The following RIPOR1 variants were observed in gnomAD, a reference collection of about 807,000 sequenced individuals.
The protein encoded by RIPOR1 is rho family-interacting cell polarization regulator 1.
In RIPOR1, 58 loss-of-function variants were observed where a neutral mutation model predicts 116.5. The ratio of observed to expected loss-of-function variants is 0.50; its 90% CI spans 0.40 to 0.62. RIPOR1 has a LOEUF of 0.62. RIPOR1 is among the 20% of genes least tolerant of loss of function. RIPOR1 has a pLI of 0.00. For missense variants in RIPOR1, 1,372 were observed against 1,586.2 expected, an observed-to-expected ratio of 0.86 and a Z score of 2.29; for synonymous variants, 605 against 650.0, an observed-to-expected ratio of 0.93 and a Z score of 1.05.
intron 1 of RIPOR1, among the ~76,000 whole-genome samples, chr16:67,532,198 C>T (rs949095001): frequency 6.6e-6 from 1 of 152,086 alleles, no homozygotes; most frequent in African/African-American, 2.4e-5. Context: ...CGCACCCGGC[C>T]GTGTGACTGT....
In RIPOR1 at chr16:67,538,654, G is replaced by A. The variant is rs550384936; in HGVS notation, c.105-18G>A. 1 of 1,611,852 alleles carries A rather than the reference G, an allele frequency of 6.2e-7. No homozygotes were observed. Among genetic ancestry groups the A allele is most frequent in the South Asian group, 1.1e-5 (1 of 90,970 alleles). The stretch of plus-strand genomic sequence containing the variant: ...GGGACTCCTGCTCTCCTCTTTCTGA[G>A]GACAGCCTCTCCTTCAGGAGTTTCC... On this transcript the variant is annotated intron_variant, in intron 2 of 21. Transcript: ENST00000042381.
In RIPOR1 at chr16:67,544,614, C is replaced by T. The variant is rs2051104949; in HGVS notation, c.2734-81C>T. ...TCTGCAACCCCAACCTCCCCCAGTG[C>T]ATGCTGGGACTTGTCCCTGAGCACG... On this transcript the variant is annotated intron_variant, in intron 15 of 21. Transcript: ENST00000042381. This position sits in a 1 kb window ranked among gnomAD's most constrained non-coding sequence, Gnocchi z 5.1. 6 of 1,586,396 alleles carry T rather than the reference C, an allele frequency of 3.8e-6. No individual in the cohort carries two copies. Among genetic ancestry groups the T allele is most frequent in the Non-Finnish European group, 5.1e-6 (6 of 1,166,518 alleles).
At chr16:67,524,049 C>T (rs1178891421), upstream of RIPOR1, among the ~76,000 whole-genome samples, 1 of 152,114 alleles carries the variant, frequency 6.6e-6, no homozygotes, top group Non-Finnish European at 1.5e-5. Flanking sequence ...CATCACTGCC[C>T]ATCTCAGAGG....
intron 1 of RIPOR1, among the ~76,000 whole-genome samples, chr16:67,520,748 C>T (rs546729481): frequency 9.3e-5 from 14 of 151,244 alleles, no homozygotes; most frequent in African/African-American, 3.4e-4. Flanking sequence ...GGCAGTGAGC[C>T]GAGATAGTGC....
Position 67,545,433 on chromosome 16 carries a change from C to T in RIPOR1, c.3089C>T (p.Pro1030Leu), listed in dbSNP as rs2051132486. The T allele has an allele frequency of 6.2e-7, 1 of 1,613,932 alleles. No individual in the cohort carries two copies. The highest frequency in any genetic ancestry group is 1.7e-5 in the Admixed American group (1 of 60,014). Residue 1030 changes from proline to leucine, a missense_variant, in exon 18 of 22, where the codon CCA becomes CTA. Coordinates refer to ENST00000042381, the MANE Select transcript of RIPOR1 (RefSeq NM_024519.4). The surrounding 1 kb of genome is among the most constrained non-coding windows in gnomAD (Gnocchi z 4.8). ...LGQKLPRRPQ[P>L]GPGEQLTVFQ... ...CAGAAGCTGCCCAGAAGGCCCCAGC[C>T]AGGGCCTGGAGAGCAGCTCACAGTC... is the stretch of plus-strand genomic sequence containing the variant.
chr16:67,524,241 G>T (rs1430380005), upstream of RIPOR1, among the ~76,000 whole-genome samples: 1 of 152,232 alleles, frequency 6.6e-6, no homozygotes, highest in African/African-American at 2.4e-5. Context: ...GGACTTGAAT[G>T]TGGAGCAGCA....
chr16:67,529,176 G>A lies in RIPOR1; in HGVS notation c.-24+262G>A, dbSNP rs1008957994. 7.2e-5 allele frequency among the ~76,000 whole-genome samples: 11 copies of A among 152,346 alleles called. No individual in the cohort carries two copies. The highest frequency in any genetic ancestry group is 1.9e-4 in the East Asian group (1 of 5,182). On this transcript the variant is annotated intron_variant, in intron 1 of 21. Transcript: ENST00000042381. This position sits in a 1 kb window ranked among gnomAD's most constrained non-coding sequence, Gnocchi z 4.1. ...GCCTTCCTCCCACGGCAAGGCCCTG[G>A]CGGCCGGTGCCCCGGGGCGCTGGGA...
At position 67,545,197 on chromosome 16, in the gene RIPOR1, C is replaced by A; in HGVS notation, c.3031+80C>A. On this transcript the variant is annotated intron_variant, in intron 17 of 21. Transcript: ENST00000042381. The surrounding 1 kb of genome is among the most constrained non-coding windows in gnomAD (Gnocchi z 4.8). ...CTCGGGGAAGCCAGGTCAGCCCACACAGATAAACGAACTGGGCACCGAGGA... is the reference window on the plus strand; with the variant it reads ...CTCGGGGAAGCCAGGTCAGCCCACAAAGATAAACGAACTGGGCACCGAGGA... The A allele has an allele frequency of 6.4e-7, 1 of 1,571,840 alleles. No homozygotes were observed. The highest frequency in any genetic ancestry group is 8.7e-7 in the Non-Finnish European group (1 of 1,155,444).
At position 67,546,400 on chromosome 16, in the gene RIPOR1, G is replaced by A; in HGVS notation, c.3597G>A (p.Glu1199=). The A allele has an allele frequency of 1.9e-6, 3 of 1,614,108 alleles. No individual in the cohort carries two copies. Among genetic ancestry groups the A allele is most frequent in the Non-Finnish European group, 2.5e-6 (3 of 1,180,038 alleles). ...GACAGTCTGCCCATCGACGGCTGGAGGAGTCCCTGGACGCCCTGCCCCGCA... is the reference window on the plus strand; with the variant it reads ...GACAGTCTGCCCATCGACGGCTGGAAGAGTCCCTGGACGCCCTGCCCCGCA... ...EEGQSAHRRL[E]ESLDALPRIF... The change falls in exon 22 of 22, where the codon GAG becomes GAA. Residue 1199 remains glutamate, a synonymous_variant. Transcript: ENST00000042381.
At position 67,540,168 on chromosome 16, in the gene RIPOR1, T is replaced by G. The variant is rs770665491; in HGVS notation, c.530T>G (p.Leu177Arg). ...GGAAGCCGAGAGGCCCGGGACAGCC[T>G]GGCAGAGGCCACTCGGGGGCATCGC... ...SPGSREARDS[L>R]AEATRGHREY... Residue 177 changes from leucine (L) to arginine (R), a missense_variant, in exon 7 of 22, where the codon CTG becomes CGG. By Grantham distance (102) the Leu-to-Arg change is moderately radical. Around this residue, in one of 3 missense-constraint regions of RIPOR1, gnomAD observed 202 missense variants for 295.9 expected, o/e 0.68. Transcript: ENST00000042381. The surrounding 1 kb of genome is among the most constrained non-coding windows in gnomAD (Gnocchi z 4.7). 4 of 1,614,160 alleles carry G rather than the reference T, an allele frequency of 2.5e-6. No individual in the cohort carries two copies. The Admixed American group carries it at 5.0e-5, about 20-fold the overall frequency.
Position 67,540,161 on chromosome 16 carries a change from G to A in RIPOR1, c.523G>A (p.Asp175Asn). 1 of 1,614,194 alleles carries A rather than the reference G, an allele frequency of 6.2e-7. No homozygotes were observed. Among genetic ancestry groups the A allele is most frequent in the Non-Finnish European group, 8.5e-7 (1 of 1,180,020 alleles). Residue 175 changes from aspartate to asparagine, a missense_variant, in exon 7 of 22, where the codon GAC becomes AAC. Physicochemically the swap from Asp to Asn is conservative, Grantham distance 23. Coordinates refer to ENST00000042381, the MANE Select transcript of RIPOR1 (RefSeq NM_024519.4). The surrounding 1 kb of genome is among the most constrained non-coding windows in gnomAD (Gnocchi z 4.7). ...TGSPGSREAR[D>N]SLAEATRGHR... Reference sequence around the variant, plus strand: ...GTCCCCGGGAAGCCGAGAGGCCCGGGACAGCCTGGCAGAGGCCACTCGGGG... The same window carrying A: ...GTCCCCGGGAAGCCGAGAGGCCCGGAACAGCCTGGCAGAGGCCACTCGGGG...
Position 67,546,503 on chromosome 16 carries a change from C to CT in RIPOR1, c.*43dup. 5 of 1,547,226 alleles carry CT rather than the reference C, an allele frequency of 3.2e-6. No individual in the cohort carries two copies. Among genetic ancestry groups the CT allele is most frequent in the Non-Finnish European group, 4.5e-6 (5 of 1,121,378 alleles). On this transcript the variant is annotated 3_prime_UTR_variant, in exon 22 of 22. Coordinates refer to ENST00000042381, the MANE Select transcript of RIPOR1 (RefSeq NM_024519.4). Reference sequence around the variant, plus strand: ...GGTTCCTGGTGCCCCTTTCCCCCCACTTTCAGGGCTCACCAGGCACTGGCA... The same window carrying CT: ...GGTTCCTGGTGCCCCTTTCCCCCCACTTTTCAGGGCTCACCAGGCACTGGCA...
In RIPOR1 at chr16:67,530,502, TGCCCAGGTTATTTTTA is replaced by T. The variant is rs1054885583; in HGVS notation, c.-24+1592_-24+1607del. Among the ~76,000 whole-genome samples, 2 of 152,184 alleles carry T rather than the reference TGCCCAGGTTATTTTTA, an allele frequency of 1.3e-5. No individual in the cohort carries two copies. Among genetic ancestry groups the T allele is most frequent in the Non-Finnish European group, 2.9e-5 (2 of 68,022 alleles). On this transcript the variant is annotated intron_variant, in intron 1 of 21. Transcript: ENST00000042381. The surrounding 1 kb of genome is among the most constrained non-coding windows in gnomAD (Gnocchi z 4.5). Reference sequence around the variant, plus strand: ...CCCCTTCTCCCTTGCAGCCGCCCCTTGCCCAGGTTATTTTTAGCCTCTGTTTACCTCGGTCGGGGCG... The same window carrying T: ...CCCCTTCTCCCTTGCAGCCGCCCCTTGCCTCTGTTTACCTCGGTCGGGGCG...
rs868814594 is a variant in RIPOR1 at position 67,539,656 on chromosome 16, C to T, written c.337-72C>T. The T allele has an allele frequency of 3.2e-5, 50 of 1,565,168 alleles. No individual in the cohort carries two copies. The Middle Eastern group carries it at 8.4e-4, about 26-fold the overall frequency. Reference sequence around the variant, plus strand: ...GTGGTGTGAGAAAGGGGAGCTGTGACGAGTCTGAGTGCCTCTGCTGGAGTC... The same window carrying T: ...GTGGTGTGAGAAAGGGGAGCTGTGATGAGTCTGAGTGCCTCTGCTGGAGTC... On this transcript the variant is annotated intron_variant, in intron 4 of 21. Coordinates refer to ENST00000042381, the MANE Select transcript of RIPOR1 (RefSeq NM_024519.4).
rs758956656 is a variant in RIPOR1, at chr16:67,542,864, ACT to A, written c.2080_2081del (p.Ser694ArgfsTer8). 1 of 1,611,650 alleles carries A rather than the reference ACT, an allele frequency of 6.2e-7. No homozygotes were observed. The highest frequency in any genetic ancestry group is 1.1e-5 in the South Asian group (1 of 90,936). On this transcript the variant is annotated frameshift_variant, in exon 13 of 22. Transcript: ENST00000042381. LOFTEE classifies it high-confidence loss of function. This position sits in a 1 kb window ranked among gnomAD's most constrained non-coding sequence, Gnocchi z 4.6. ...GCTACCCTCTCCAGCCCCTCCAAAC[ACT>A]CAGACCCCACCCTCCCAGGCACTGA...
Position 67,539,423 on chromosome 16 carries a change from A to T in RIPOR1, c.337-305A>T, listed in dbSNP as rs931747954. The stretch of plus-strand genomic sequence containing the variant: ...GAGGGAACACTTCTGCCGGGGCTTG[A>T]TGGGAGTTCCCCTGCAGAGGGAACC... On this transcript the variant is annotated intron_variant, in intron 4 of 21. Transcript: ENST00000042381. 3.0e-5 allele frequency: 16 copies of T among 534,992 alleles called. No individual in the cohort carries two copies. In the Admixed American group the frequency reaches 3.5e-4, roughly 12 times the overall value. The allele number at this position is 534,992 out of a possible 1,614,324, so 33.1% of individuals were successfully genotyped here. A position where few individuals can be genotyped will look rare whatever the true frequency, so the allele number is the denominator to read the frequency against.
Position 67,538,711 on chromosome 16 carries a change from GC to G in RIPOR1, c.150del (p.Ala51ArgfsTer31), listed in dbSNP as rs763705850. 1.9e-6 allele frequency: 3 copies of G among 1,613,300 alleles called. No individual in the cohort carries two copies. Among genetic ancestry groups the G allele is most frequent in the Non-Finnish European group, 2.5e-6 (3 of 1,179,892 alleles). ...VFSPPGPPRK[P>X]PALSRVSRMF... ...TCAGCCCGCCGGGGCCCCCACGGAA[GC>G]CCCCCGCGCTCTCCCGAGTGTCCAG... On this transcript the variant is annotated frameshift_variant, in exon 3 of 22. Coordinates refer to ENST00000042381, the MANE Select transcript of RIPOR1 (RefSeq NM_024519.4). LOFTEE classifies it high-confidence loss of function.
rs561642006 is a variant in RIPOR1, at chr16:67,539,904, G to T, written c.414+5G>T. On this transcript the variant is annotated splice_donor_5th_base_variant and intron_variant, in intron 6 of 21. Coordinates refer to ENST00000042381, the MANE Select transcript of RIPOR1 (RefSeq NM_024519.4). ...CTGGAGTTCCATGCCAGCAAGGTAC[G>T]AGTGCAGCATGTGTGCAGAGTGGGG... is the stretch of plus-strand genomic sequence containing the variant. 10 of 1,614,178 alleles carry T rather than the reference G, an allele frequency of 6.2e-6. No homozygotes were observed. In the African/African-American group the frequency reaches 9.3e-5, roughly 15 times the overall value.
intron 1 of RIPOR1, among the ~76,000 whole-genome samples, chr16:67,534,047 T>C (rs569968640): frequency 6.6e-6 from 1 of 150,700 alleles, no homozygotes; most frequent in South Asian, 2.1e-4. Context: ...CTCGAACTCC[T>C]TACTTCAGGT....
Sources: allele counts gnomAD v4.1 joint callset (sites outside exome capture counted in the v4.1 genomes callset), GRCh38; gene constraint gnomAD v4.1.1; regional missense constraint gnomAD v4.1.1; non-coding constraint Gnocchi (gnomAD v3.1); transcripts MANE v1.5; gene names NCBI Gene and HGNC (gene_info 2026-07-23, HGNC 2026-07-21).